SEMA5A: variants seen among roughly 807,000 people sequenced by gnomAD.
SEMA5A encodes semaphorin 5A.
A neutral mutation model predicts 135.5 loss-of-function variants in SEMA5A; 55 were observed. The ratio of observed to expected loss-of-function variants is 0.41; its 90% CI spans 0.33 to 0.51. The LOEUF is 0.51. Among genes scored for constraint, SEMA5A ranks in the 20% least tolerant of loss-of-function variants. The pLI, the probability that SEMA5A is intolerant of heterozygous loss-of-function variation, is 0.37. For missense variants in SEMA5A, 1,290 were observed against 1,419.9 expected (o/e 0.91, Z 1.47); for synonymous variants, 580 against 546.5 (o/e 1.06, Z -0.85).
At chr5:9,457,274 T>C (rs1190947129) in intron 1 of SEMA5A, among the ~76,000 whole-genome samples, 1 of 152,052 alleles carries the variant, frequency 6.6e-6, no homozygotes, top group Non-Finnish European at 1.5e-5. Context: ...CTCAGAGGAG[T>C]AGAAATCGCA....
chr5:9,170,447 A>G (rs1384692981), intron 11 of SEMA5A, among the ~76,000 whole-genome samples: 1 of 152,110 alleles, frequency 6.6e-6, no homozygotes, highest in African/African-American at 2.4e-5. Flanking sequence ...GAGAGACAGG[A>G]CATGCATATT....
At position 9,461,397 on chromosome 5, in the gene SEMA5A, C is replaced by A. The variant is rs374541759; in HGVS notation, c.-174-23545G>T. Among the ~76,000 whole-genome samples, 4 of 152,166 alleles carry A rather than the reference C, an allele frequency of 2.6e-5. No homozygotes were observed. In the South Asian group the frequency reaches 8.3e-4, roughly 32 times the overall value. Reference sequence around the variant, plus strand: ...CAAATGGAAATGCTTACAGCAATAGCAGTCAGCTGCCTGAAAACCTCAGCT... The same window carrying A: ...CAAATGGAAATGCTTACAGCAATAGAAGTCAGCTGCCTGAAAACCTCAGCT... On this transcript the variant is annotated intron_variant, in intron 1 of 22. Transcript: ENST00000382496.
intron 3 of SEMA5A, among the ~76,000 whole-genome samples, chr5:9,367,993 G>A (rs1404840056): frequency 6.6e-6 from 1 of 152,160 alleles, no homozygotes; most frequent in Non-Finnish European, 1.5e-5. Context: ...AGTAGATGTT[G>A]GTGCCATGCT....
At chr5:9,185,129 T>C (rs1293501461) in intron 11 of SEMA5A, among the ~76,000 whole-genome samples, 1 of 152,214 alleles carries the variant, frequency 6.6e-6, no homozygotes, top group Non-Finnish European at 1.5e-5. Flanking sequence ...AGTTCCACTA[T>C]GTTGTCCATG....
At chr5:9,243,177 G>A (rs1041569795) in intron 5 of SEMA5A, among the ~76,000 whole-genome samples, 4 of 152,152 alleles carry the variant, frequency 2.6e-5, no homozygotes, top group African/African-American at 4.8e-5. Flanking sequence ...CTGGAGGCTC[G>A]TTGGCAGGGT....
At chr5:9,403,666 G>C (rs1022367454) in intron 2 of SEMA5A, among the ~76,000 whole-genome samples, 2 of 152,126 alleles carry the variant, frequency 1.3e-5, no homozygotes, top group Admixed American at 1.3e-4. Flanking sequence ...CCAATTTTAA[G>C]CCATCTCATG....
chr5:9,426,040 A>G (rs2126642521), intron 2 of SEMA5A, among the ~76,000 whole-genome samples: 1 of 152,332 alleles, frequency 6.6e-6, no homozygotes, highest in South Asian at 2.1e-4. Context: ...TCTGGGACAC[A>G]GGAAGTGCTC....
intron 16 of SEMA5A, among the ~76,000 whole-genome samples, chr5:9,085,294 TG>T (rs1738617142): frequency 6.6e-6 from 1 of 152,150 alleles, no homozygotes; most frequent in African/African-American, 2.4e-5. Context: ...CCCAAGACAA[TG>T]GGGGAAGTGT....
intron 16 of SEMA5A, among the ~76,000 whole-genome samples, chr5:9,082,616 G>A (rs951670107): frequency 6.6e-6 from 1 of 152,074 alleles, no homozygotes; most frequent in African/African-American, 2.4e-5. Context: ...CTATAAAATG[G>A]GATAGAAAGA....
At chr5:9,366,920 C>T (rs183315049) in intron 3 of SEMA5A, among the ~76,000 whole-genome samples, 40 of 152,168 alleles carry the variant, frequency 2.6e-4, no homozygotes, top group Non-Finnish European at 1.5e-5. Flanking sequence ...ATCAGAGAAG[C>T]AGTTAACAGC....
At chr5:9,228,541 G>T (rs897189737) in intron 6 of SEMA5A, among the ~76,000 whole-genome samples, 1 of 152,206 alleles carries the variant, frequency 6.6e-6, no homozygotes, top group Admixed American at 6.5e-5. Flanking sequence ...TTTTGACTGC[G>T]TGAAGTATTG....
intron 1 of SEMA5A, among the ~76,000 whole-genome samples, chr5:9,469,153 C>T (rs1046460423): frequency 7.2e-5 from 11 of 152,062 alleles, no homozygotes; most frequent in South Asian, 2.1e-4. Flanking sequence ...GGACTACAGG[C>T]GCCCGCCACC....
chr5:9,526,352 G>A (rs1369006275), intron 1 of SEMA5A, among the ~76,000 whole-genome samples: 1 of 152,194 alleles, frequency 6.6e-6, no homozygotes, highest in African/African-American at 2.4e-5. Flanking sequence ...ATATGTGCAT[G>A]TTTATCAACC....
At chr5:9,463,446 G>T (rs749677561) in intron 1 of SEMA5A, among the ~76,000 whole-genome samples, 1 of 149,450 alleles carries the variant, frequency 6.7e-6, no homozygotes, top group Non-Finnish European at 1.5e-5. Context: ...AGGCAAGTTA[G>T]TTTTTTTTTT....
intron 16 of SEMA5A, among the ~76,000 whole-genome samples, chr5:9,076,606 A>G (rs1263423853): frequency 2.0e-5 from 3 of 152,188 alleles, no homozygotes; most frequent in Non-Finnish European, 4.4e-5. Context: ...TTTCATGTGT[A>G]CACTACAAAT....
At chr5:9,251,321 A>G (rs1748773455) in intron 5 of SEMA5A, among the ~76,000 whole-genome samples, 1 of 152,172 alleles carries the variant, frequency 6.6e-6, no homozygotes, top group Non-Finnish European at 1.5e-5. Context: ...ATCACATCTG[A>G]GAAAAATTCT....
chr5:9,455,882 G>T (rs980886706), intron 1 of SEMA5A, among the ~76,000 whole-genome samples: 1 of 152,200 alleles, frequency 6.6e-6, no homozygotes, highest in African/African-American at 2.4e-5. Context: ...AGAAATGGTT[G>T]TTATTTGACT....
chr5:9,272,389 C>T (rs190511813), intron 5 of SEMA5A, among the ~76,000 whole-genome samples: 1 of 152,294 alleles, frequency 6.6e-6, no homozygotes, highest in African/African-American at 2.4e-5. Flanking sequence ...AAACCCCCAC[C>T]TCCCTGGGAC....
At chr5:9,383,812 T>C (rs1201518757) in intron 2 of SEMA5A, among the ~76,000 whole-genome samples, 1 of 152,160 alleles carries the variant, frequency 6.6e-6, no homozygotes, top group Non-Finnish European at 1.5e-5. Context: ...ACAGACTTGA[T>C]GTTAGAAGCC....
Sources: allele counts gnomAD v4.1 joint callset (sites outside exome capture counted in the v4.1 genomes callset), GRCh38; gene constraint gnomAD v4.1.1; transcripts MANE v1.5; gene names NCBI Gene and HGNC (gene_info 2026-07-23, HGNC 2026-07-21).